The following BAZ2B variants were observed in gnomAD, a reference collection of about 807,000 sequenced individuals.
BAZ2B encodes bromodomain adjacent to zinc finger domain 2B.
A neutral mutation model predicts 246.0 loss-of-function variants in BAZ2B; 91 were observed. The ratio of observed to expected loss-of-function variants is 0.37; its 90% CI spans 0.31 to 0.44. The LOEUF (loss-of-function observed/expected upper bound fraction) is 0.44, where lower values mean the gene tolerates loss of function less well. BAZ2B is among the 20% of genes least tolerant of loss of function. The probability of loss-of-function intolerance (pLI) is 1.00; values close to 1 mark genes in which losing one functional copy is unlikely to be tolerated. For missense variants in BAZ2B, 2,332 were observed against 2,533.7 expected (o/e 0.92, Z 1.71); for synonymous variants, 855 against 860.0 (o/e 0.99, Z 0.10).
chr2:159,582,180 A>G (rs1018173737), intron 1 of BAZ2B, among the ~76,000 whole-genome samples: 2 of 152,250 alleles, frequency 1.3e-5, no homozygotes, highest in African/African-American at 4.8e-5. Flanking sequence ...TGCAGAATGC[A>G]TATTTAATTA....
intron 27 of BAZ2B, among the ~76,000 whole-genome samples, chr2:159,363,015 C>A (rs899555815): frequency 3.3e-5 from 5 of 152,180 alleles, no homozygotes; most frequent in Admixed American, 2.0e-4. Context: ...CAGCATTATA[C>A]AGAGCAAGAG....
At chr2:159,622,635 T>C in the BAZ2B span, among the ~76,000 whole-genome samples, 6 of 152,280 alleles carry the variant, frequency 3.9e-5, no homozygotes, top group Admixed American at 3.3e-4. Flanking sequence ...TAAACTTATA[T>C]GTAAAGCCTG....
chr2:159,553,251 T>C (rs1419666751), intron 2 of BAZ2B, among the ~76,000 whole-genome samples: 2 of 151,496 alleles, frequency 1.3e-5, no homozygotes, highest in Non-Finnish European at 2.9e-5. Context: ...AAAAATTAGC[T>C]GGGCCTGGTG....
intron 3 of BAZ2B, among the ~76,000 whole-genome samples, chr2:159,471,562 CCAGA>C (rs1221673234): frequency 6.6e-6 from 1 of 152,124 alleles, no homozygotes; most frequent in African/African-American, 2.4e-5. Flanking sequence ...TGCACTCCAG[CCAGA>C]CAAAGTGAGA....
intron 3 of BAZ2B, among the ~76,000 whole-genome samples, chr2:159,473,387 T>C (rs1275119942): frequency 6.6e-6 from 1 of 152,212 alleles, no homozygotes; most frequent in Non-Finnish European, 1.5e-5. Flanking sequence ...TGATGGTAGT[T>C]TGTATTTCTG....
chr2:159,372,255 T>C (rs1323799311), intron 27 of BAZ2B, among the ~76,000 whole-genome samples: 1 of 152,232 alleles, frequency 6.6e-6, no homozygotes, highest in East Asian at 1.9e-4. Flanking sequence ...CCATGTCTGA[T>C]GGGGACAAAA....
chr2:159,634,825 G>T, the BAZ2B span, among the ~76,000 whole-genome samples: 9 of 152,134 alleles, frequency 5.9e-5, no homozygotes, highest in Non-Finnish European at 8.8e-5. Context: ...GATAGTCAAT[G>T]ACTTTAAAAC....
intron 1 of BAZ2B, among the ~76,000 whole-genome samples, chr2:159,583,822 CAT>C (rs1273461512): frequency 6.6e-6 from 1 of 152,030 alleles, no homozygotes; most frequent in African/African-American, 2.4e-5. Context: ...GGTAAAGAGT[CAT>C]GTGGAAGTGT....
At chr2:159,647,257 A>G in the BAZ2B span, among the ~76,000 whole-genome samples, 1 of 152,194 alleles carries the variant, frequency 6.6e-6, no homozygotes, top group Non-Finnish European at 1.5e-5. Flanking sequence ...CAAATTGGAA[A>G]CCCAGGAGAG....
At chr2:159,537,013 C>A (rs903015350) in intron 2 of BAZ2B, among the ~76,000 whole-genome samples, 2 of 152,150 alleles carry the variant, frequency 1.3e-5, no homozygotes, top group Non-Finnish European at 2.9e-5. Flanking sequence ...AAGAGTCCAT[C>A]CACAGATGAA....
chr2:159,594,222 C>A (rs910449732), intron 1 of BAZ2B, among the ~76,000 whole-genome samples: 1 of 152,110 alleles, frequency 6.6e-6, no homozygotes, highest in East Asian at 1.9e-4. Flanking sequence ...CTGGCTAACA[C>A]GGTGAAACCC....
intron 1 of BAZ2B, among the ~76,000 whole-genome samples, chr2:159,564,171 A>G (rs2090140022): frequency 6.6e-6 from 1 of 152,204 alleles, no homozygotes; most frequent in Non-Finnish European, 1.5e-5. Context: ...AGAATGAAGT[A>G]AAAAGGAACA....
chr2:159,327,161 C>G (rs1294940479), intron 34 of BAZ2B, among the ~76,000 whole-genome samples: 1 of 151,770 alleles, frequency 6.6e-6, no homozygotes, highest in Non-Finnish European at 1.5e-5. Context: ...AAGACATCCT[C>G]CCATATCAGC....
chr2:159,624,356 G>T, the BAZ2B span, among the ~76,000 whole-genome samples: 1 of 152,232 alleles, frequency 6.6e-6, no homozygotes, highest in Non-Finnish European at 1.5e-5. Context: ...GGGTCAGACT[G>T]CCTCCTCAAG....
chr2:159,544,485 G>GGTTT, intron 2 of BAZ2B, among the ~76,000 whole-genome samples: 1 of 152,138 alleles, frequency 6.6e-6, no homozygotes, highest in Non-Finnish European at 1.5e-5. Flanking sequence ...CTAATACAGG[G>GGTTT]AATATATAAA....
chr2:159,621,326 G>A (rs995357660), upstream of BAZ2B, among the ~76,000 whole-genome samples: 3 of 152,106 alleles, frequency 2.0e-5, no homozygotes, highest in Non-Finnish European at 4.4e-5. Flanking sequence ...ATGTCTGGGT[G>A]GGGGGTCAAG....
At chr2:159,709,915 A>C in the BAZ2B span, among the ~76,000 whole-genome samples, 1 of 152,244 alleles carries the variant, frequency 6.6e-6, no homozygotes, top group Non-Finnish European at 1.5e-5. Flanking sequence ...CTTAGAGAAG[A>C]AGCCAAGTTT....
chr2:159,370,174 G>A (rs900610079), intron 27 of BAZ2B, among the ~76,000 whole-genome samples: 3 of 152,112 alleles, frequency 2.0e-5, no homozygotes, highest in Admixed American at 6.5e-5. Context: ...CTGTCGTGGG[G>A]TGGTGGGAGA....
intron 3 of BAZ2B, among the ~76,000 whole-genome samples, chr2:159,472,384 GCAAA>G (rs1485544257): frequency 6.6e-6 from 1 of 152,202 alleles, no homozygotes; most frequent in African/African-American, 2.4e-5. Context: ...CATGTCATCT[GCAAA>G]CAGAGACAAT....
Sources: allele counts gnomAD v4.1 joint callset (sites outside exome capture counted in the v4.1 genomes callset), GRCh38; gene constraint gnomAD v4.1.1; transcripts MANE v1.5; gene names NCBI Gene and HGNC (gene_info 2026-07-23, HGNC 2026-07-21).